Variants in GPATCH8 observed in about 807,000 individuals in gnomAD.
The protein encoded by GPATCH8 is G patch domain-containing protein 8.
Under a neutral mutation model 118.3 loss-of-function variants are expected in GPATCH8, and 18 were observed. The observed-to-expected ratio is 0.15, with a 90% CI of 0.11 to 0.23. GPATCH8 has a LOEUF of 0.23. GPATCH8 is among the 10% of genes least tolerant of loss of function. The pLI is 1.00. For synonymous variants in GPATCH8, 659 were observed against 684.7 expected (o/e 0.96, Z 0.59); for missense variants, 1,631 against 1,873.8 (o/e 0.87, Z 2.39).
Position 44,398,514 on chromosome 17 carries a change from A to ATTTG in GPATCH8, c.3562_3563insCAAA (p.Leu1188ProfsTer32). 1.9e-6 allele frequency: 3 copies of ATTTG among 1,600,902 alleles called. No homozygotes were observed. Among genetic ancestry groups the ATTTG allele is most frequent in the Non-Finnish European group, 2.6e-6 (3 of 1,173,310 alleles). ...CTCTGAAGGGAACTGATGCCCAAATAGGGCATCACTACTCCCTGGGGGCCC... is the reference window on the plus strand; with the variant it reads ...CTCTGAAGGGAACTGATGCCCAAATATTTGGGGCATCACTACTCCCTGGGGGCCC... On this transcript the variant is annotated frameshift_variant, in exon 8 of 8. Coordinates refer to ENST00000591680, the MANE Select transcript of GPATCH8 (RefSeq NM_001002909.4). LOFTEE classifies it high-confidence loss of function.
intron 1 of GPATCH8, among the ~76,000 whole-genome samples, chr17:44,488,011 C>T (rs1328220348): frequency 5.0e-5 from 6 of 119,538 alleles, no homozygotes; most frequent in Non-Finnish European, 1.0e-4. Flanking sequence ...CAACCTCCGC[C>T]TCCTGGGTTC....
intron 1 of GPATCH8, among the ~76,000 whole-genome samples, chr17:44,480,708 A>C (rs1968161834): frequency 1.5e-5 from 2 of 137,262 alleles, no homozygotes; most frequent in African/African-American, 2.8e-5. Context: ...CAACAAGGGC[A>C]AAAAAAAAAA....
Position 44,398,035 on chromosome 17 carries a change from C to G in GPATCH8, c.4042G>C (p.Ala1348Pro). The G allele has an allele frequency of 6.2e-7, 1 of 1,613,902 alleles. No individual in the cohort carries two copies. Among genetic ancestry groups the G allele is most frequent in the Non-Finnish European group, 8.5e-7 (1 of 1,179,860 alleles). ...KQVKAFPASAALAPATPALQP... is the reference protein window; with the variant it reads ...KQVKAFPASAPLAPATPALQP... Reference sequence around the variant, plus strand: ...AGGGCTGGTGTGGCTGGGGCCAGGGCAGCTGAGGCTGGAAAGGCCTTTACT... The same window carrying G: ...AGGGCTGGTGTGGCTGGGGCCAGGGGAGCTGAGGCTGGAAAGGCCTTTACT... The change falls in exon 8 of 8, where the codon GCC becomes CCC. Residue 1348 changes from alanine to proline, a missense_variant. Physicochemically the swap from Ala to Pro is conservative, Grantham distance 27. Coordinates refer to ENST00000591680, the MANE Select transcript of GPATCH8 (RefSeq NM_001002909.4).
chr17:44,496,076 C>T (rs1568075662), intron 1 of GPATCH8, among the ~76,000 whole-genome samples: 1 of 152,168 alleles, frequency 6.6e-6, no homozygotes. Flanking sequence ...ACCATGTTGG[C>T]CAGGCTGGTC....
rs747841016 is a variant in GPATCH8 at position 44,400,379 on chromosome 17, T to C, written c.1698A>G (p.Ser566=). Residue 566 remains serine, a synonymous_variant, in exon 8 of 8, where the codon TCA becomes TCG. Transcript: ENST00000591680. ...LIFTKAEPSI[S]YSCNPLYFDF... is the part of the protein sequence containing the mutation. ...CAAAATATAAAGGGTTACAACTGTA[T>C]GAAATGGAGGGTTCTGCCTTGGTGA... is the stretch of plus-strand genomic sequence containing the variant. The C allele has an allele frequency of 6.8e-6, 11 of 1,613,848 alleles. No individual in the cohort carries two copies. In the East Asian group the frequency reaches 1.8e-4, roughly 26 times the overall value.
Position 44,487,127 on chromosome 17 carries a change from C to CA in GPATCH8, c.46-12225dup, listed in dbSNP as rs541523422. 5.3e-5 allele frequency among the ~76,000 whole-genome samples: 8 copies of CA among 152,238 alleles called. No individual in the cohort carries two copies. In the South Asian group the frequency reaches 1.5e-3, roughly 28 times the overall value. ...TATCATAGAGAATAATTTCACTGCT[C>CA]AAAAAATCCACAGTGTCCACCTGTT... On this transcript the variant is annotated intron_variant, in intron 1 of 7. Transcript: ENST00000591680.
At chr17:44,425,486 C>T (rs1449420076) in intron 5 of GPATCH8, among the ~76,000 whole-genome samples, 1 of 152,126 alleles carries the variant, frequency 6.6e-6, no homozygotes, top group Non-Finnish European at 1.5e-5. Context: ...TATTTTTGCC[C>T]TATCTAATCC....
At chr17:44,419,912 T>C (rs1211065161) in intron 6 of GPATCH8, among the ~76,000 whole-genome samples, 1 of 152,220 alleles carries the variant, frequency 6.6e-6, no homozygotes, top group Non-Finnish European at 1.5e-5. Context: ...TTTATAACAT[T>C]CTGTTTTGAG....
In GPATCH8 at chr17:44,401,401, C is replaced by G; in HGVS notation, c.676G>C (p.Glu226Gln). ...TCATCTTTATCATCTTCTCCACCTT[C>G]TTCATCTACAGCCACTGTGGTTGGT... ...FKPTTVAVDE[E>Q]GGEDDKDESA... The change falls in exon 8 of 8, where the codon GAA becomes CAA. Residue 226 changes from glutamate to glutamine, a missense_variant. Around this residue, in one of 8 missense-constraint regions of GPATCH8, gnomAD observed 405 missense variants for 462.7 expected, o/e 0.88. Transcript: ENST00000591680. 1 of 1,613,378 alleles carries G rather than the reference C, an allele frequency of 6.2e-7. No individual in the cohort carries two copies. Among genetic ancestry groups the G allele is most frequent in the Non-Finnish European group, 8.5e-7 (1 of 1,179,312 alleles).
intron 3 of GPATCH8, among the ~76,000 whole-genome samples, chr17:44,456,932 C>T (rs1256690345): frequency 1.3e-5 from 2 of 151,954 alleles, no homozygotes; most frequent in Non-Finnish European, 2.9e-5. Flanking sequence ...GGCGCAATCT[C>T]GGCTCACTAC....
At position 44,399,459 on chromosome 17, in the gene GPATCH8, C is replaced by CTACTTGAGT. The variant is rs1251385983; in HGVS notation, c.2609_2617dup (p.Ser872_Ser873insAsnSerSer). 1 of 1,614,192 alleles carries CTACTTGAGT rather than the reference C, an allele frequency of 6.2e-7. No individual in the cohort carries two copies. ...GCTCTGGTCTGAAGAGGCATCTGAG[C>CTACTTGAGT]TACTTGAGTAAGAACGCCGGGAGGA... On this transcript the variant is annotated inframe_insertion, in exon 8 of 8. Coordinates refer to ENST00000591680, the MANE Select transcript of GPATCH8 (RefSeq NM_001002909.4).
chr17:44,435,415 T>C (rs1190707844), intron 4 of GPATCH8, among the ~76,000 whole-genome samples: 3 of 138,060 alleles, frequency 2.2e-5, no homozygotes, highest in African/African-American at 8.2e-5. Context: ...TCTTTCCTTT[T>C]TTTTTTTTTT....
intron 1 of GPATCH8, among the ~76,000 whole-genome samples, chr17:44,482,619 G>A (rs1051942653): frequency 2.7e-5 from 4 of 149,646 alleles, no homozygotes; most frequent in Non-Finnish European, 5.9e-5. Context: ...TGACGGGTTC[G>A]TAGGTGCAGC....
chr17:44,432,634 C>T (rs1366313170), intron 5 of GPATCH8, among the ~76,000 whole-genome samples: 1 of 152,038 alleles, frequency 6.6e-6, no homozygotes, highest in Non-Finnish European at 1.5e-5. Context: ...GAGAGGTAAA[C>T]ATGAGTGTGT....
intron 1 of GPATCH8, among the ~76,000 whole-genome samples, chr17:44,487,562 G>A (rs376947504): frequency 1.4e-4 from 21 of 152,230 alleles, no homozygotes; most frequent in African/African-American, 5.1e-4. Context: ...AATAGGTTTA[G>A]GTTTGTAAGA....
intron 1 of GPATCH8, among the ~76,000 whole-genome samples, chr17:44,476,211 T>A (rs112037954): frequency 1.4e-5 from 2 of 143,340 alleles, no homozygotes; most frequent in Non-Finnish European, 3.1e-5. Context: ...CTGTTTTACC[T>A]TTTTTTTTTT....
intron 3 of GPATCH8, among the ~76,000 whole-genome samples, chr17:44,444,423 G>A (rs1364000959): frequency 1.3e-5 from 2 of 151,772 alleles, no homozygotes; most frequent in African/African-American, 2.4e-5. Context: ...GGGTAAAATA[G>A]TCTAAAACAT....
At chr17:44,424,942 A>T (rs182061999) in intron 5 of GPATCH8, among the ~76,000 whole-genome samples, 42 of 152,290 alleles carry the variant, frequency 2.8e-4, no homozygotes, top group Admixed American at 5.9e-4. Context: ...TGGAAAGCCA[A>T]CCCACAGATA....
Position 44,481,812 on chromosome 17 carries a change from T to C in GPATCH8, c.46-6909A>G, listed in dbSNP as rs182822544. The stretch of plus-strand genomic sequence containing the variant: ...GATTGTAGTGGCAGTTATAAGAATC[T>C]ATAAATGTGTTAAAATTCATAGAAC... On this transcript the variant is annotated intron_variant, in intron 1 of 7. Coordinates refer to ENST00000591680, the MANE Select transcript of GPATCH8 (RefSeq NM_001002909.4). 4.2e-3 allele frequency among the ~76,000 whole-genome samples: 638 copies of C among 152,312 alleles called. 7 individuals are homozygous for C. The highest frequency in any genetic ancestry group is 4.8e-3 in the Non-Finnish European group (324 of 68,022).
Sources: gnomAD v4.1 joint callset for allele counts (sites outside exome capture counted in the v4.1 genomes callset) on GRCh38, gnomAD v4.1.1 for gene constraint, gnomAD v4.1.1 regional missense constraint, MANE v1.5 for transcripts, NCBI Gene and HGNC (gene_info 2026-07-23, HGNC 2026-07-21) for gene names.